The following DIP2B variants were observed in gnomAD, a reference collection of about 807,000 sequenced individuals.
The protein encoded by DIP2B is DIP2 acetate--CoA ligase B (putative).
DIP2B carries 76 observed loss-of-function variants against 198.0 expected under a neutral mutation model. The observed-to-expected ratio is 0.38, with a 90% CI of 0.32 to 0.46. The LOEUF is 0.46. Ranked by LOEUF, DIP2B falls within the 20% of genes least tolerant of loss-of-function variation. The probability of loss-of-function intolerance (pLI) is 0.99; values close to 1 mark genes in which losing one functional copy is unlikely to be tolerated. For synonymous variants in DIP2B, 701 were observed against 739.1 expected (o/e 0.95, Z 0.84); for missense variants, 1,559 against 1,978.4 (o/e 0.79, Z 4.02).
intron 4 of DIP2B, among the ~76,000 whole-genome samples, chr12:50,665,515 C>T (rs1401774503): frequency 2.0e-5 from 3 of 152,056 alleles, no homozygotes; most frequent in Non-Finnish European, 2.9e-5. Context: ...GGCTGAGGCC[C>T]GAGGATCCTT....
intron 19 of DIP2B, among the ~76,000 whole-genome samples, chr12:50,703,226 TTA>T (rs1491516088): frequency 2.0e-5 from 3 of 149,752 alleles, no homozygotes; most frequent in African/African-American, 4.9e-5. Flanking sequence ...ATATCTCATT[TTA>T]AAAAAAAAAA....
At chr12:50,586,869 G>A (rs1025357797) in intron 1 of DIP2B, among the ~76,000 whole-genome samples, 6 of 152,088 alleles carry the variant, frequency 3.9e-5, no homozygotes, top group African/African-American at 1.4e-4. Context: ...CACTGTGCCC[G>A]GCAAAAAATT....
At chr12:50,530,686 C>T (rs537362296) in intron 1 of DIP2B, among the ~76,000 whole-genome samples, 10 of 152,204 alleles carry the variant, frequency 6.6e-5, no homozygotes, top group Admixed American at 2.6e-4. Flanking sequence ...AGTATTTAAG[C>T]AGGGAGAATT....
Position 50,737,076 on chromosome 12 carries a change from C to A in DIP2B, c.4142C>A (p.Thr1381Asn). 3 of 1,614,018 alleles carry A rather than the reference C, an allele frequency of 1.9e-6. No homozygotes were observed. The highest frequency in any genetic ancestry group is 1.7e-6 in the Non-Finnish European group (2 of 1,179,970). Reference protein sequence around the residue: ...GVKVVIVNPETKGPVGDSHLG... With the variant: ...GVKVVIVNPENKGPVGDSHLG... ...AAAGTGGTTATTGTTAATCCTGAGA[C>A]CAAAGGGCCGGTTGGAGACTCTCAC... Residue 1381 changes from threonine (T) to asparagine (N), a missense_variant, in exon 35 of 38, where the codon ACC becomes AAC. Thr to Asn is a moderately conservative substitution (Grantham distance 65, BLOSUM62 0). Transcript: ENST00000301180.
At chr12:50,574,381 GT>G (rs1224613203) in intron 1 of DIP2B, among the ~76,000 whole-genome samples, 1 of 152,194 alleles carries the variant, frequency 6.6e-6, no homozygotes, top group East Asian at 1.9e-4. Flanking sequence ...ACTGATAAAG[GT>G]GATGGTAAAG....
In DIP2B at chr12:50,737,234, T is replaced by TC. The variant is rs1592148962; in HGVS notation, c.4176+125dup. 9.2e-6 allele frequency: 8 copies of TC among 866,366 alleles called. No homozygotes were observed. The East Asian group carries it at 2.1e-4, about 23-fold the overall frequency. 53.7% of individuals were successfully genotyped at this position (866,366 alleles called of 1,614,324 possible). On this transcript the variant is annotated intron_variant, in intron 35 of 37. Transcript: ENST00000301180. ...CCGTTGTGAATGGAGTTAATTTTTT[T>TC]CTGTAAGGCATGAGACTGAAATTGA...
intron 1 of DIP2B, among the ~76,000 whole-genome samples, chr12:50,559,966 AG>A (rs1958504985): frequency 6.6e-6 from 1 of 152,062 alleles, no homozygotes; most frequent in African/African-American, 2.4e-5. Flanking sequence ...CTACCCTCAT[AG>A]GGTTTACAAT....
At chr12:50,543,446 C>T (rs991148997) in intron 1 of DIP2B, among the ~76,000 whole-genome samples, 12 of 151,980 alleles carry the variant, frequency 7.9e-5, no homozygotes, top group Admixed American at 2.0e-4. Flanking sequence ...CCCGCCATCA[C>T]GCCAGCTAAT....
intron 9 of DIP2B, among the ~76,000 whole-genome samples, chr12:50,682,123 G>T (rs1939050682): frequency 6.6e-6 from 1 of 152,170 alleles, no homozygotes; most frequent in African/African-American, 2.4e-5. Flanking sequence ...AGTGAATTAG[G>T]AAAAGTCACT....
In DIP2B at chr12:50,718,951, T is replaced by C; in HGVS notation, c.2962-4T>C. On this transcript the variant is annotated splice_polypyrimidine_tract_variant and splice_region_variant and intron_variant, in intron 24 of 37. Transcript: ENST00000301180. Reference sequence around the variant, plus strand: ...TGAGTCCTTTTTCTGGTTTATGACTTCAGCACCAGTTTCTGGCAGAGATCC... The same window carrying C: ...TGAGTCCTTTTTCTGGTTTATGACTCCAGCACCAGTTTCTGGCAGAGATCC... 1 of 1,614,204 alleles carries C rather than the reference T, an allele frequency of 6.2e-7. No individual in the cohort carries two copies. Among genetic ancestry groups the C allele is most frequent in the South Asian group, 1.1e-5 (1 of 91,076 alleles).
In DIP2B at chr12:50,505,001, TGGCGGCGGCGGCGGC is replaced by T; in HGVS notation, c.-131_-117del. Reference sequence around the variant, plus strand: ...GTCGCGCTCACGTGACCTTTGCTCATGGCGGCGGCGGCGGCGGCGGCGGTGCTGGTGGTGCTCGGC... The same window carrying T: ...GTCGCGCTCACGTGACCTTTGCTCATGGCGGCGGTGCTGGTGGTGCTCGGC... On this transcript the variant is annotated 5_prime_UTR_variant, in exon 1 of 38. Transcript: ENST00000301180. 3.1e-6 allele frequency: 2 copies of T among 650,320 alleles called. No individual in the cohort carries two copies. Among genetic ancestry groups the T allele is most frequent in the Middle Eastern group, 4.4e-4 (1 of 2,256 alleles). The allele number at this position is 650,320 out of a possible 1,614,324, so 40.3% of individuals were successfully genotyped here. A position where few individuals can be genotyped will look rare whatever the true frequency, so the allele number is the denominator to read the frequency against.
intron 19 of DIP2B, among the ~76,000 whole-genome samples, chr12:50,700,241 G>A (rs1348123223): frequency 6.6e-6 from 1 of 152,164 alleles, no homozygotes; most frequent in Admixed American, 6.5e-5. Flanking sequence ...TTCTGCATGC[G>A]AAGCCAGGTT....
intron 15 of DIP2B, 96 bp from the exon 16 acceptor site, chr12:50,695,750 CAT>C (rs1351332133): frequency 6.6e-7 from 1 of 1,508,738 alleles, no homozygotes; most frequent in African/African-American, 1.4e-5. Flanking sequence ...AAGCAAATAT[CAT>C]GATTCCCCAA....
chr12:50,595,394 A>G (rs150487915), intron 1 of DIP2B, among the ~76,000 whole-genome samples: 58 of 152,256 alleles, frequency 3.8e-4, no homozygotes, highest in African/African-American at 1.4e-3. Flanking sequence ...GCTTAGCTCA[A>G]CTGCAGCCTC....
chr12:50,580,427 A>T (rs2139418957), intron 1 of DIP2B, among the ~76,000 whole-genome samples: 1 of 149,066 alleles, frequency 6.7e-6, no homozygotes, highest in African/African-American at 2.5e-5. Context: ...TTTATTTTTT[A>T]AAATAAAAAT....
intron 19 of DIP2B, 81 bp downstream of exon 19, chr12:50,699,283 C>T (rs1481515125): frequency 6.4e-7 from 1 of 1,561,726 alleles, no homozygotes; most frequent in African/African-American, 1.3e-5. Flanking sequence ...GTTGATGGGA[C>T]ATAGCATAAC....
chr12:50,719,087 T>G (rs775219923), intron 25 of DIP2B, 52 bp downstream of exon 25: 6 of 1,563,428 alleles, frequency 3.8e-6, no homozygotes, highest in Admixed American at 3.6e-5. Flanking sequence ...TAGGACCATC[T>G]TAGGCACTCT....
Position 50,640,948 on chromosome 12 carries a change from C to G in DIP2B, c.301+96C>G. 2.1e-6 allele frequency: 3 copies of G among 1,424,820 alleles called. No individual in the cohort carries two copies. In the South Asian group the frequency reaches 4.3e-5, roughly 21 times the overall value. The allele number at this position is 1,424,820 out of a possible 1,614,324, so 88.3% of individuals were successfully genotyped here. ...GCTTCTAATACTTGTCTTTTTTTTC[C>G]CTATGAGGCACCAACAGTTTTATAT... On this transcript the variant is annotated intron_variant, in intron 3 of 37. Coordinates refer to ENST00000301180, the MANE Select transcript of DIP2B (RefSeq NM_173602.3).
At chr12:50,675,146 A>C (rs1938924004) in intron 6 of DIP2B, among the ~76,000 whole-genome samples, 183 bp from the exon 7 acceptor site, 1 of 152,246 alleles carries the variant, frequency 6.6e-6, no homozygotes, top group Non-Finnish European at 1.5e-5. Context: ...ATGTATTAAT[A>C]ATAGCACCAT....
Sources: gnomAD v4.1 joint callset for allele counts (sites outside exome capture counted in the v4.1 genomes callset) on GRCh38, gnomAD v4.1.1 for gene constraint, MANE v1.5 for transcripts, NCBI Gene and HGNC (gene_info 2026-07-23, HGNC 2026-07-21) for gene names.